NXPH1: variants seen among roughly 807,000 people sequenced by gnomAD.
NXPH1 encodes the protein neurexophilin-1.
In NXPH1, 5 loss-of-function variants were observed where a neutral mutation model predicts 23.7. The ratio of observed to expected loss-of-function variants is 0.21; its 90% CI spans 0.11 to 0.44. The LOEUF (loss-of-function observed/expected upper bound fraction) is 0.44, where lower values mean the gene tolerates loss of function less well. NXPH1 is among the 20% of genes least tolerant of loss of function. NXPH1 has a pLI of 0.99. For synonymous variants in NXPH1, 144 were observed against 122.2 expected, an observed-to-expected ratio of 1.18 and a Z score of -1.18; for missense variants, 324 against 321.6, an observed-to-expected ratio of 1.01 and a Z score of -0.06.
At chr7:8,605,086 A>C (rs903408366) in intron 2 of NXPH1, among the ~76,000 whole-genome samples, 13 of 152,146 alleles carry the variant, frequency 8.5e-5, no homozygotes, top group African/African-American at 3.1e-4. Flanking sequence ...CATTTGAAAT[A>C]ACTTCAAGTG....
intron 2 of NXPH1, among the ~76,000 whole-genome samples, chr7:8,544,788 G>T (rs537225172): frequency 2.0e-5 from 3 of 151,552 alleles, no homozygotes; most frequent in African/African-American, 7.3e-5. Flanking sequence ...TTCTAGACAT[G>T]AAGCATTTGT....
chr7:8,676,823 T>C (rs763110514), intron 2 of NXPH1, among the ~76,000 whole-genome samples: 1 of 152,182 alleles, frequency 6.6e-6, no homozygotes, highest in Non-Finnish European at 1.5e-5. Context: ...ACTCTGTTGT[T>C]TCAAATCTCA....
chr7:8,567,994 G>T (rs1355487539), intron 2 of NXPH1, among the ~76,000 whole-genome samples: 1 of 151,880 alleles, frequency 6.6e-6, no homozygotes, highest in Non-Finnish European at 1.5e-5. Flanking sequence ...GGTAATCTGT[G>T]TGGGTGAAAA....
chr7:8,472,014 ATAT>A (rs778654281), intron 2 of NXPH1, among the ~76,000 whole-genome samples: 3 of 151,638 alleles, frequency 2.0e-5, no homozygotes, highest in Non-Finnish European at 4.4e-5. Context: ...AATATAAATA[ATAT>A]TATTTTATCA....
chr7:8,644,789 C>G (rs1820369482), intron 2 of NXPH1, among the ~76,000 whole-genome samples: 2 of 152,128 alleles, frequency 1.3e-5, no homozygotes, highest in African/African-American at 4.8e-5. Context: ...CAGCCCAGCA[C>G]ATCTTCCTCC....
At chr7:8,525,994 A>T (rs1355053775) in intron 2 of NXPH1, among the ~76,000 whole-genome samples, 2 of 112,474 alleles carry the variant, frequency 1.8e-5, no homozygotes, top group Non-Finnish European at 3.9e-5. Flanking sequence ...CAGACCCCAG[A>T]ATGGTAGTTC....
At chr7:8,583,748 G>A (rs1465710703) in intron 2 of NXPH1, among the ~76,000 whole-genome samples, 1 of 152,182 alleles carries the variant, frequency 6.6e-6, no homozygotes, top group Non-Finnish European at 1.5e-5. Flanking sequence ...GTCAGGACTT[G>A]AGAACTGACA....
intron 2 of NXPH1, among the ~76,000 whole-genome samples, chr7:8,549,737 G>A (rs1390757259): frequency 6.6e-6 from 1 of 151,516 alleles, no homozygotes; most frequent in Non-Finnish European, 1.5e-5. Flanking sequence ...TAACTAATTA[G>A]CTAATTAACT....
chr7:8,595,654 T>G (rs1819206079), intron 2 of NXPH1, among the ~76,000 whole-genome samples: 2 of 152,094 alleles, frequency 1.3e-5, no homozygotes, highest in Non-Finnish European at 2.9e-5. Flanking sequence ...AAAGTGTATC[T>G]GACTTCTACG....
At chr7:8,659,742 A>G (rs1347629827) in intron 2 of NXPH1, among the ~76,000 whole-genome samples, 1 of 152,198 alleles carries the variant, frequency 6.6e-6, no homozygotes, top group African/African-American at 2.4e-5. Flanking sequence ...AACAAAAAAT[A>G]ATAATGAAAG....
chr7:8,719,213 G>A (rs758930478), intron 2 of NXPH1, among the ~76,000 whole-genome samples: 4 of 152,182 alleles, frequency 2.6e-5, no homozygotes, highest in Non-Finnish European at 4.4e-5. Context: ...GCAAAGCGCA[G>A]ATTTCAGACT....
rs568175984 is a variant in NXPH1, at chr7:8,453,049, C to A, written c.54+17282C>A. Among the ~76,000 whole-genome samples, 37 of 152,004 alleles carry A rather than the reference C, an allele frequency of 2.4e-4. 1 individual carries two copies. The South Asian group carries it at 7.1e-3, about 29-fold the overall frequency. Reference sequence around the variant, plus strand: ...GAACAGAGTTAATAATGATAACATACCAGAATTTCACTCCAGTTTGGAAAC... The same window carrying A: ...GAACAGAGTTAATAATGATAACATAACAGAATTTCACTCCAGTTTGGAAAC... On this transcript the variant is annotated intron_variant, in intron 2 of 2. Coordinates refer to ENST00000405863, the MANE Select transcript of NXPH1 (RefSeq NM_152745.3).
intron 2 of NXPH1, among the ~76,000 whole-genome samples, chr7:8,736,132 G>T (rs1441064284): frequency 6.6e-6 from 1 of 152,074 alleles, no homozygotes; most frequent in Non-Finnish European, 1.5e-5. Flanking sequence ...ATCTCCTTCA[G>T]TTCTGCTCTG....
At chr7:8,612,294 C>T (rs904464068) in intron 2 of NXPH1, among the ~76,000 whole-genome samples, 12 of 147,972 alleles carry the variant, frequency 8.1e-5, no homozygotes, top group Admixed American at 1.4e-4. Context: ...CTTTTTCTGC[C>T]TTTTGAGTAT....
At chr7:8,692,289 C>A (rs575705685) in intron 2 of NXPH1, among the ~76,000 whole-genome samples, 1 of 152,174 alleles carries the variant, frequency 6.6e-6, no homozygotes, top group South Asian at 2.1e-4. Context: ...AAGAATTAAC[C>A]ACACACGTAA....
chr7:8,554,526 T>A (rs1818325541), intron 2 of NXPH1, among the ~76,000 whole-genome samples: 1 of 151,766 alleles, frequency 6.6e-6, no homozygotes, highest in Non-Finnish European at 1.5e-5. Context: ...TAAAGACATT[T>A]ATAATAGGCT....
At chr7:8,528,679 G>A (rs1484091779) in intron 2 of NXPH1, among the ~76,000 whole-genome samples, 2 of 152,166 alleles carry the variant, frequency 1.3e-5, no homozygotes, top group South Asian at 2.1e-4. Flanking sequence ...CTTTGTTGAA[G>A]AGTAGAAAGA....
chr7:8,619,261 T>A (rs1202095214), intron 2 of NXPH1, among the ~76,000 whole-genome samples: 6 of 152,200 alleles, frequency 3.9e-5, no homozygotes, highest in Non-Finnish European at 8.8e-5. Context: ...CAGCAATCCC[T>A]GTCTTATCTC....
At chr7:8,609,274 A>G (rs17152539) in intron 2 of NXPH1, among the ~76,000 whole-genome samples, 42,130 of 152,088 alleles carry the variant, frequency 0.28, 6,299 homozygotes, top group African/African-American at 0.36. Flanking sequence ...ACATCATTTT[A>G]GACGATTCTT....
Sources: allele counts gnomAD v4.1 joint callset (sites outside exome capture counted in the v4.1 genomes callset), GRCh38; gene constraint gnomAD v4.1.1; transcripts MANE v1.5; gene names NCBI Gene and HGNC (gene_info 2026-07-23, HGNC 2026-07-21).